Variants in GFRA2 observed in about 807,000 individuals in gnomAD.
GFRA2 encodes the protein GDNF family receptor alpha-2.
In GFRA2, 17 loss-of-function variants were observed where a neutral mutation model predicts 48.3. That is an observed-to-expected ratio of 0.35 (90% CI 0.24 to 0.53). GFRA2 has a LOEUF of 0.53. Ranked by LOEUF, GFRA2 falls within the 20% of genes least tolerant of loss-of-function variation. The pLI is 0.93. For synonymous variants in GFRA2, 305 were observed against 257.2 expected (o/e 1.19, Z -1.78); for missense variants, 660 against 637.3 (o/e 1.04, Z -0.38).
chr8:21,725,060 A>T (rs1165140471), intron 4 of GFRA2, among the ~76,000 whole-genome samples: 5 of 152,166 alleles, frequency 3.3e-5, no homozygotes, highest in Non-Finnish European at 7.4e-5. Context: ...ATCCTGCTTG[A>T]GTGATTGATT....
intron 7 of GFRA2, among the ~76,000 whole-genome samples, chr8:21,699,270 A>C (rs1409426790): frequency 6.6e-6 from 1 of 152,222 alleles, no homozygotes; most frequent in Non-Finnish European, 1.5e-5. Flanking sequence ...AGGAGCAGAC[A>C]GGAGGAGGGA....
chr8:21,781,655 A>C (rs1203128914), intron 2 of GFRA2, among the ~76,000 whole-genome samples: 3 of 151,082 alleles, frequency 2.0e-5, no homozygotes, highest in African/African-American at 7.3e-5. Flanking sequence ...ATTTATCCGC[A>C]CCTCCCCAGA....
chr8:21,705,078 C>A lies in GFRA2; in HGVS notation c.952G>T (p.Val318Leu), dbSNP rs1221599996. ...NYVDSSPTGI[V>L]VSPWCSCRGS... is the part of the protein sequence containing the mutation. ...CGACAGCTGCACCAGGGGGACACCA[C>A]GATGCCAGTGGGGCTGGAGTCCACA... Residue 318 changes from valine to leucine, a missense_variant, in exon 6 of 9, where the codon GTG becomes TTG. Coordinates refer to ENST00000524240, the MANE Select transcript of GFRA2 (RefSeq NM_001495.5). 1.9e-6 allele frequency: 3 copies of A among 1,610,946 alleles called. No homozygotes were observed. In the East Asian group the frequency reaches 6.7e-5, roughly 36 times the overall value.
chr8:21,723,408 G>A (rs1436300894), intron 4 of GFRA2, among the ~76,000 whole-genome samples: 1 of 152,108 alleles, frequency 6.6e-6, no homozygotes, highest in African/African-American at 2.4e-5. Context: ...CACAAGAAAA[G>A]GCAGACCCAG....
At chr8:21,798,843 T>A (rs1807721852) in intron 2 of GFRA2, among the ~76,000 whole-genome samples, 1 of 152,210 alleles carries the variant, frequency 6.6e-6, no homozygotes, top group East Asian at 1.9e-4. Context: ...CAGGTGAGAA[T>A]ACTGAGGCCT....
At chr8:21,728,564 G>A (rs950940330) in intron 4 of GFRA2, among the ~76,000 whole-genome samples, 12 of 151,988 alleles carry the variant, frequency 7.9e-5, no homozygotes, top group African/African-American at 2.7e-4. Flanking sequence ...AATGAGCCAC[G>A]GCACCCAGGC....
intron 3 of GFRA2, among the ~76,000 whole-genome samples, chr8:21,767,338 C>T (rs2117674000): frequency 1.3e-5 from 2 of 152,324 alleles, no homozygotes; most frequent in Middle Eastern, 3.4e-3. Context: ...CACACACACA[C>T]ATCCTACCAT....
At chr8:21,717,804 C>T (rs1336197318) in intron 4 of GFRA2, among the ~76,000 whole-genome samples, 1 of 152,160 alleles carries the variant, frequency 6.6e-6, no homozygotes, top group Non-Finnish European at 1.5e-5. Context: ...GAAATGGCCA[C>T]CAAACCCTTC....
intron 4 of GFRA2, among the ~76,000 whole-genome samples, chr8:21,713,033 AGAC>A (rs1300908776): frequency 2.8e-5 from 4 of 145,236 alleles, no homozygotes; most frequent in African/African-American, 1.0e-4. Flanking sequence ...AGGGAGAGGG[AGAC>A]GAGGGAGAGG....
chr8:21,710,831 G>A (rs911541625), intron 4 of GFRA2, among the ~76,000 whole-genome samples: 3 of 152,304 alleles, frequency 2.0e-5, no homozygotes, highest in East Asian at 1.9e-4. Flanking sequence ...CCTCCATTGC[G>A]CCATCCTCAG....
chr8:21,758,227 A>ACACACACACC (rs1491094498), intron 3 of GFRA2, among the ~76,000 whole-genome samples: 1 of 84,234 alleles, frequency 1.2e-5, no homozygotes, highest in Non-Finnish European at 2.2e-5. Context: ...ACACACACAC[A>ACACACACACC]CCTCACCCAG....
At chr8:21,792,566 G>A (rs1289249424), upstream of GFRA2, among the ~76,000 whole-genome samples, 1 of 152,246 alleles carries the variant, frequency 6.6e-6, no homozygotes, top group East Asian at 1.9e-4. Flanking sequence ...AGTCAAGCGT[G>A]TAGCTATGAG....
At chr8:21,744,954 G>A (rs2117566395) in intron 4 of GFRA2, among the ~76,000 whole-genome samples, 1 of 152,300 alleles carries the variant, frequency 6.6e-6, no homozygotes, top group East Asian at 1.9e-4. Flanking sequence ...CTCAGCCACT[G>A]ACCCCAAACT....
At chr8:21,731,227 C>T (rs1458436293) in intron 4 of GFRA2, among the ~76,000 whole-genome samples, 2 of 152,260 alleles carry the variant, frequency 1.3e-5, no homozygotes, top group African/African-American at 4.8e-5. Context: ...TATGCTGGTG[C>T]CATAACCCCA....
At chr8:21,733,367 G>T (rs1319351281) in intron 4 of GFRA2, among the ~76,000 whole-genome samples, 1 of 152,150 alleles carries the variant, frequency 6.6e-6, no homozygotes, top group Non-Finnish European at 1.5e-5. Context: ...TCAGGGAGAG[G>T]AGGGTCCTTT....
At chr8:21,706,472 C>T in intron 4 of GFRA2, 2 of 458,066 alleles carry the variant, frequency 4.4e-6, no homozygotes, top group South Asian at 3.1e-5. Context: ...AAAATCCCAC[C>T]AGCAAAACAG....
chr8:21,742,645 G>C (rs1804806602), intron 4 of GFRA2, among the ~76,000 whole-genome samples: 1 of 152,202 alleles, frequency 6.6e-6, no homozygotes, highest in Non-Finnish European at 1.5e-5. Context: ...GGCTGAAAGT[G>C]TGTCTGCCCC....
At chr8:21,726,308 C>T (rs910324934) in intron 4 of GFRA2, among the ~76,000 whole-genome samples, 1 of 152,194 alleles carries the variant, frequency 6.6e-6, no homozygotes, top group South Asian at 2.1e-4. Flanking sequence ...CAGCCAGGTA[C>T]CACCCACCTT....
At chr8:21,776,372 C>T (rs938336201) in intron 2 of GFRA2, among the ~76,000 whole-genome samples, 16 of 152,086 alleles carry the variant, frequency 1.1e-4, no homozygotes, top group East Asian at 3.9e-4. Flanking sequence ...CCACCTTTCA[C>T]GTCACCTCCT....
Sources: allele counts gnomAD v4.1 joint callset (sites outside exome capture counted in the v4.1 genomes callset), GRCh38; gene constraint gnomAD v4.1.1; transcripts MANE v1.5; gene names NCBI Gene and HGNC (gene_info 2026-07-23, HGNC 2026-07-21).